TENM2: variants seen among roughly 807,000 people sequenced by gnomAD.
TENM2 encodes the protein teneurin transmembrane protein 2.
TENM2 carries 52 observed loss-of-function variants against 245.2 expected under a neutral mutation model. The observed-to-expected ratio is 0.21, with a 90% confidence interval of 0.17 to 0.27. The LOEUF (loss-of-function observed/expected upper bound fraction) is 0.27, where lower values mean the gene tolerates loss of function less well. Among genes scored for constraint, TENM2 ranks in the 10% least tolerant of loss-of-function variants. The probability of loss-of-function intolerance (pLI) is 1.00; values close to 1 mark genes in which losing one functional copy is unlikely to be tolerated. For synonymous variants in TENM2, 1,363 were observed against 1,438.9 expected, an observed-to-expected ratio of 0.95 and a Z score of 1.19; for missense variants, 3,046 against 3,666.8, an observed-to-expected ratio of 0.83 and a Z score of 4.37.
chr5:167,904,124 T>C (rs993311275), intron 3 of TENM2, among the ~76,000 whole-genome samples: 3 of 152,174 alleles, frequency 2.0e-5, no homozygotes, highest in African/African-American at 7.2e-5. Context: ...GAAAAATATA[T>C]GCCTATTTAT....
At chr5:167,140,731 C>A in the TENM2 span, among the ~76,000 whole-genome samples, 1 of 151,984 alleles carries the variant, frequency 6.6e-6, no homozygotes, top group Non-Finnish European at 1.5e-5. Context: ...AATGACTGTC[C>A]CCAGCTCTGC....
chr5:168,254,524 G>A (rs552635565), intron 27 of TENM2, among the ~76,000 whole-genome samples: 4 of 151,922 alleles, frequency 2.6e-5, no homozygotes, highest in Non-Finnish European at 4.4e-5. Context: ...GGAAGAAAGG[G>A]AGGAAGAGGA....
chr5:167,774,055 G>A (rs1763576797), intron 2 of TENM2, among the ~76,000 whole-genome samples: 1 of 150,820 alleles, frequency 6.6e-6, no homozygotes, highest in Non-Finnish European at 1.5e-5. Flanking sequence ...TGACCCACAT[G>A]CCAACAGCAA....
At chr5:168,198,188 C>CTTTTTTTTTT (rs35539116) in intron 15 of TENM2, among the ~76,000 whole-genome samples, 4 of 95,834 alleles carry the variant, frequency 4.2e-5, no homozygotes, top group African/African-American at 4.7e-5. Context: ...CCAATGAACC[C>CTTTTTTTTTT]TTTTTTTTTT....
At chr5:167,176,338 T>C in the TENM2 span, among the ~76,000 whole-genome samples, 1 of 152,220 alleles carries the variant, frequency 6.6e-6, no homozygotes, top group Non-Finnish European at 1.5e-5. Context: ...TTGTGAAGCT[T>C]TTCTTGAACC....
chr5:168,147,174 A>G (rs1286738553), intron 12 of TENM2, among the ~76,000 whole-genome samples: 2 of 152,260 alleles, frequency 1.3e-5, no homozygotes, highest in Non-Finnish European at 2.9e-5. Flanking sequence ...ATTCAAAACA[A>G]TTCAGAGTTA....
At chr5:167,784,935 A>G (rs1436268958) in intron 2 of TENM2, among the ~76,000 whole-genome samples, 2 of 151,952 alleles carry the variant, frequency 1.3e-5, no homozygotes, top group Admixed American at 1.3e-4. Flanking sequence ...AATGATTTCA[A>G]TAAATCTGGG....
chr5:167,543,882 A>G (rs1772381098), intron 2 of TENM2, among the ~76,000 whole-genome samples: 2 of 152,126 alleles, frequency 1.3e-5, no homozygotes, highest in Admixed American at 6.5e-5. Context: ...TCTTAACATC[A>G]TCTTCCTATA....
chr5:168,006,418 G>T (rs1038031372), intron 5 of TENM2, among the ~76,000 whole-genome samples: 2 of 152,180 alleles, frequency 1.3e-5, no homozygotes, highest in Non-Finnish European at 2.9e-5. Flanking sequence ...ATGTAGAAAA[G>T]AATTTTGATT....
intron 12 of TENM2, among the ~76,000 whole-genome samples, chr5:168,156,941 G>A (rs140564173): frequency 6.7e-4 from 102 of 152,236 alleles, no homozygotes; most frequent in Middle Eastern, 3.4e-3. Context: ...CACAGTAGGG[G>A]CACCATTCAA....
rs1218689981 is a variant in TENM2, at chr5:167,929,114, AAAGAAAGAAAG to A, written c.713-23471_713-23461del. ...GAAAGAAAGAAAGAAAGAAAGAAAGAAAGAAAGAAAGAAAGAAAAGAAAGAAGGGAGGGAGG... is the reference window on the plus strand; with the variant it reads ...GAAAGAAAGAAAGAAAGAAAGAAAGAAAAGAAAAGAAAGAAGGGAGGGAGG... On this transcript the variant is annotated intron_variant, in intron 3 of 28. Transcript: ENST00000518659. Among the ~76,000 whole-genome samples, 76 of 122,112 alleles carry A rather than the reference AAAGAAAGAAAG, an allele frequency of 6.2e-4. No homozygotes were observed. In the East Asian group the frequency reaches 0.011, roughly 17 times the overall value. The allele number at this position is 122,112 out of a possible 152,430, so 80.1% of individuals were successfully genotyped here.
At chr5:167,581,610 A>G (rs748008225) in intron 2 of TENM2, among the ~76,000 whole-genome samples, 6 of 152,224 alleles carry the variant, frequency 3.9e-5, no homozygotes, top group Non-Finnish European at 7.3e-5. Flanking sequence ...ACACACATGT[A>G]TTATAGAGAA....
intron 7 of TENM2, among the ~76,000 whole-genome samples, chr5:168,070,385 CT>C (rs1163404339): frequency 7.9e-5 from 12 of 152,124 alleles, no homozygotes; most frequent in African/African-American, 2.4e-4. Context: ...TAAGTGGCCT[CT>C]TACGAATTCC....
chr5:168,098,173 C>T (rs1358711002), intron 9 of TENM2, 46 bp downstream of exon 11: 1 of 1,375,784 alleles, frequency 7.3e-7, no homozygotes, highest in African/African-American at 1.4e-5. Flanking sequence ...CAGACCCTCC[C>T]TAGGCTTCTC....
At chr5:168,249,632 G>A (rs1766921389) in intron 27 of TENM2, among the ~76,000 whole-genome samples, 1 of 152,178 alleles carries the variant, frequency 6.6e-6, no homozygotes, top group African/African-American at 2.4e-5. Flanking sequence ...AGGAAGTTTG[G>A]AGAATAGCAT....
chr5:167,952,730 G>T, exon 4 of TENM2: 1 of 1,599,364 alleles, frequency 6.3e-7, no homozygotes. Flanking sequence ...TCCACGCCCC[G>T]GCCCCAGCGC....
intron 2 of TENM2, among the ~76,000 whole-genome samples, chr5:167,444,277 G>A (rs1765029772): frequency 9.8e-6 from 1 of 102,188 alleles, no homozygotes; most frequent in Non-Finnish European, 2.0e-5. Flanking sequence ...ATTTGCTTAT[G>A]CACACATGCA....
chr5:167,659,493 ACTTTC>A (rs1262221975), intron 2 of TENM2, among the ~76,000 whole-genome samples: 2 of 152,212 alleles, frequency 1.3e-5, no homozygotes, highest in African/African-American at 4.8e-5. Flanking sequence ...AATACTCAGT[ACTTTC>A]CTTTATACAT....
intron 15 of TENM2, among the ~76,000 whole-genome samples, chr5:168,195,612 T>TGTGTGTGTGTGTG (rs1761365164): frequency 1.8e-5 from 1 of 55,432 alleles, no homozygotes; most frequent in Non-Finnish European, 3.8e-5. Flanking sequence ...GTGTGTGTGT[T>TGTGTGTGTGTGTG]GGGGTGGGGG....
Sources: gnomAD v4.1 joint callset for allele counts (sites outside exome capture counted in the v4.1 genomes callset) on GRCh38, gnomAD v4.1.1 for gene constraint, MANE v1.5 for transcripts, NCBI Gene and HGNC (gene_info 2026-07-23, HGNC 2026-07-21) for gene names.